Variants in PCDHGB5 observed in about 807,000 individuals in gnomAD.
PCDHGB5 encodes the protein protocadherin gamma-B5.
A neutral mutation model predicts 62.9 loss-of-function variants in PCDHGB5; 48 were observed. The ratio of observed to expected loss-of-function variants is 0.76; its 90% confidence interval spans 0.61 to 0.97. The LOEUF (loss-of-function observed/expected upper bound fraction) is 0.97, where lower values mean the gene tolerates loss of function less well. PCDHGB5 is among the 50% of genes least tolerant of loss of function. The pLI is 0.00. For missense variants in PCDHGB5, 1,118 were observed against 1,198.6 expected (o/e 0.93, Z 0.99); for synonymous variants, 474 against 511.2 (o/e 0.93, Z 0.98).
At chr5:141,464,676 T>A (rs1337677151) in intron 1 of PCDHGB5, among the ~76,000 whole-genome samples, 1 of 152,176 alleles carries the variant, frequency 6.6e-6, no homozygotes. Flanking sequence ...ATAATTTTAA[T>A]TAAAATTTCT....
At chr5:141,413,623 G>A (rs1454358985) in intron 1 of PCDHGB5, 2 of 1,613,752 alleles carry the variant, frequency 1.2e-6, no homozygotes, top group African/African-American at 1.3e-5. Flanking sequence ...TAATGAAAAT[G>A]TCGCTGCGGG....
At chr5:141,406,002 A>G (rs1348687108) in intron 1 of PCDHGB5, among the ~76,000 whole-genome samples, 1 of 151,598 alleles carries the variant, frequency 6.6e-6, no homozygotes, top group Non-Finnish European at 1.5e-5. Flanking sequence ...CTCAGCCTGC[A>G]TTGATGTGGG....
chr5:141,510,400 TA>T (rs780031896), intron 3 of PCDHGB5, among the ~76,000 whole-genome samples: 12 of 151,920 alleles, frequency 7.9e-5, no homozygotes, highest in Non-Finnish European at 1.3e-4. Flanking sequence ...TGGCAAAGGC[TA>T]GGGGCATGTA....
At chr5:141,449,273 C>T (rs1168190907) in intron 1 of PCDHGB5, among the ~76,000 whole-genome samples, 1 of 151,982 alleles carries the variant, frequency 6.6e-6, no homozygotes, top group Non-Finnish European at 1.5e-5. Flanking sequence ...ACTGTATCTC[C>T]TTCACCCGGA....
intron 1 of PCDHGB5, chr5:141,441,982 G>T: frequency 3.6e-6 from 1 of 277,096 alleles, no homozygotes; most frequent in South Asian, 3.6e-5. Flanking sequence ...CCTGGAATGC[G>T]CACCGACGAG....
chr5:141,403,354 G>A, intron 1 of PCDHGB5: 7 of 1,614,048 alleles, frequency 4.3e-6, no homozygotes, highest in Non-Finnish European at 5.9e-6. Flanking sequence ...CAAAGTTCCA[G>A]GCCGAAAGTC....
rs144203659 is a variant in PCDHGB5, at chr5:141,431,011, G to A, written c.2397+30487G>A. The A allele has an allele frequency of 1.5e-5, 24 of 1,613,168 alleles. No individual in the cohort carries two copies. The highest frequency in any genetic ancestry group is 1.7e-5 in the Non-Finnish European group (20 of 1,179,310). ...CCCTGAATCCGCGCAGCGGCAGCTTGGTCACGGCGGGCAGGATAGACCGGG... is the reference window on the plus strand; with the variant it reads ...CCCTGAATCCGCGCAGCGGCAGCTTAGTCACGGCGGGCAGGATAGACCGGG... On this transcript the variant is annotated intron_variant, in intron 1 of 3. Transcript: ENST00000617380. This position sits in a 1 kb window ranked among gnomAD's most constrained non-coding sequence, Gnocchi z 4.8.
intron 1 of PCDHGB5, chr5:141,411,225 GC>G (rs1253575140): frequency 1.3e-5 from 2 of 152,092 alleles, no homozygotes; most frequent in African/African-American, 4.8e-5. Flanking sequence ...ATTCAAATTT[GC>G]GAAGACTTAG....
intron 1 of PCDHGB5, chr5:141,427,971 C>A (rs764145525): frequency 1.3e-6 from 2 of 1,593,630 alleles, no homozygotes; most frequent in Non-Finnish European, 1.7e-6. Flanking sequence ...GGTGCTGTAC[C>A]CCGCGCTGGG....
intron 1 of PCDHGB5, among the ~76,000 whole-genome samples, chr5:141,444,150 GGATT>G (rs2098419499): frequency 1.8e-5 from 2 of 114,014 alleles, no homozygotes; most frequent in Non-Finnish European, 1.7e-5. Flanking sequence ...TGTGTGTACT[GGATT>G]TTTTTTTTTT....
chr5:141,494,491 T>C (rs2099754727), intron 1 of PCDHGB5, among the ~76,000 whole-genome samples: 1 of 152,150 alleles, frequency 6.6e-6, no homozygotes, highest in Admixed American at 6.5e-5. Context: ...AGAAGATGCC[T>C]TCAGTCCTTG....
At chr5:141,474,447 G>A (rs1263877262) in intron 1 of PCDHGB5, among the ~76,000 whole-genome samples, 1 of 152,218 alleles carries the variant, frequency 6.6e-6, no homozygotes, top group Non-Finnish European at 1.5e-5. Flanking sequence ...AGTAGCAAGT[G>A]ATTGGGCTAT....
Position 141,420,946 on chromosome 5 carries a change from A to G in PCDHGB5, c.2397+20422A>G, listed in dbSNP as rs1561791007. 5 of 400,268 alleles carry G rather than the reference A, an allele frequency of 1.2e-5. No homozygotes were observed. In the East Asian group the frequency reaches 1.7e-4, roughly 14 times the overall value. The allele number at this position is 400,268 out of a possible 1,614,324, so 24.8% of individuals were successfully genotyped here. A position where few individuals can be genotyped will look rare whatever the true frequency, so the allele number is the denominator to read the frequency against. ...AGGTGAGCGTAATCATTTCTTCTGG[A>G]ATTTCTTAGTCGTTGCAATAATAAG... On this transcript the variant is annotated intron_variant, in intron 1 of 3. Coordinates refer to ENST00000617380, the MANE Select transcript of PCDHGB5 (RefSeq NM_018925.3).
At chr5:141,439,571 G>T (rs1010967112) in intron 1 of PCDHGB5, among the ~76,000 whole-genome samples, 4 of 152,154 alleles carry the variant, frequency 2.6e-5, no homozygotes, top group Non-Finnish European at 4.4e-5. Flanking sequence ...CTAGAGTAGG[G>T]ACTCAGAGTG....
At chr5:141,423,975 A>G in intron 1 of PCDHGB5, 2 of 1,126,024 alleles carry the variant, frequency 1.8e-6, no homozygotes, top group Non-Finnish European at 2.2e-6. Flanking sequence ...TTATCAGTGT[A>G]TGAGGCTCTC....
chr5:141,481,762 G>A (rs1378950651), intron 1 of PCDHGB5, among the ~76,000 whole-genome samples: 3 of 152,126 alleles, frequency 2.0e-5, no homozygotes, highest in African/African-American at 2.4e-5. Flanking sequence ...GACCAGCCTG[G>A]CCAACATGGT....
rs776293224 is a variant in PCDHGB5, at chr5:141,477,889, A to G, written c.2398-16918A>G. Reference sequence around the variant, plus strand: ...GTACCTCAGCTGGCCACCTAGTGTCACGGGTGGTAGGCTGGGACGCGGATG... The same window carrying G: ...GTACCTCAGCTGGCCACCTAGTGTCGCGGGTGGTAGGCTGGGACGCGGATG... On this transcript the variant is annotated intron_variant, in intron 1 of 3. Coordinates refer to ENST00000617380, the MANE Select transcript of PCDHGB5 (RefSeq NM_018925.3). This position sits in a 1 kb window ranked among gnomAD's most constrained non-coding sequence, Gnocchi z 4.9. The G allele has an allele frequency of 1.8e-5, 29 of 1,614,034 alleles. No individual in the cohort carries two copies. Among genetic ancestry groups the G allele is most frequent in the Non-Finnish European group, 2.5e-5 (29 of 1,180,026 alleles).
At chr5:141,413,070 T>G (rs990993849) in intron 1 of PCDHGB5, 1 of 1,195,014 alleles carries the variant, frequency 8.4e-7, no homozygotes, top group African/African-American at 1.5e-5. Context: ...GAATTTAAAG[T>G]GCCCAGGCTA....
chr5:141,500,043 T>A (rs1240979831), intron 2 of PCDHGB5, among the ~76,000 whole-genome samples: 1 of 152,048 alleles, frequency 6.6e-6, no homozygotes, highest in East Asian at 1.9e-4. Flanking sequence ...CTCTTAAGTA[T>A]CTTAATGCTC....
Sources: gnomAD v4.1 joint callset for allele counts (sites outside exome capture counted in the v4.1 genomes callset) on GRCh38, gnomAD v4.1.1 for gene constraint, Gnocchi (gnomAD v3.1) non-coding constraint, MANE v1.5 for transcripts, NCBI Gene and HGNC (gene_info 2026-07-23, HGNC 2026-07-21) for gene names.